INPP5F: variants seen among roughly 807,000 people sequenced by gnomAD.
The protein encoded by INPP5F is inositol polyphosphate-5-phosphatase F.
In INPP5F, 97 loss-of-function variants were observed where a neutral mutation model predicts 137.2. The observed-to-expected ratio is 0.71, with a 90% CI of 0.60 to 0.84. The LOEUF (loss-of-function observed/expected upper bound fraction) is 0.84, where lower values mean the gene tolerates loss of function less well. INPP5F is among the 40% of genes least tolerant of loss of function. The pLI is 0.00. For synonymous variants in INPP5F, 504 were observed against 476.9 expected (o/e 1.06, Z -0.74); for missense variants, 1,271 against 1,371.9 (o/e 0.93, Z 1.16).
intron 2 of INPP5F, among the ~76,000 whole-genome samples, chr10:119,758,277 A>T (rs1848909428): frequency 6.6e-6 from 1 of 152,152 alleles, no homozygotes; most frequent in African/African-American, 2.4e-5. Flanking sequence ...GTGCTCCTGG[A>T]TGGAAAGCAT....
At chr10:119,763,630 C>T (rs1407466496) in intron 2 of INPP5F, among the ~76,000 whole-genome samples, 1 of 152,222 alleles carries the variant, frequency 6.6e-6, no homozygotes, top group East Asian at 1.9e-4. Flanking sequence ...ACCCATATTA[C>T]TCTCCTTATC....
Position 119,805,371 on chromosome 10 carries a change from G to T in INPP5F, c.1242-13G>T. Reference sequence around the variant, plus strand: ...AATTAAAGATTTTTTCTTTCTTTTGGCATGGATTTTAGCCGAGGAATGAAG... The same window carrying T: ...AATTAAAGATTTTTTCTTTCTTTTGTCATGGATTTTAGCCGAGGAATGAAG... On this transcript the variant is annotated splice_polypyrimidine_tract_variant and intron_variant, in intron 10 of 19. Coordinates refer to ENST00000650623, the MANE Select transcript of INPP5F (RefSeq NM_014937.4). The T allele has an allele frequency of 6.2e-7, 1 of 1,601,162 alleles. No homozygotes were observed. The highest frequency in any genetic ancestry group is 1.1e-5 in the South Asian group (1 of 90,050).
intron 2 of INPP5F, among the ~76,000 whole-genome samples, chr10:119,771,903 T>A (rs1849376348): frequency 2.2e-5 from 2 of 89,258 alleles, no homozygotes; most frequent in African/African-American, 4.3e-5. Context: ...TTTTTTTTTT[T>A]TTTTTTTTTT....
intron 13 of INPP5F, among the ~76,000 whole-genome samples, chr10:119,808,389 A>ATG (rs1010127917): frequency 2.0e-5 from 3 of 152,338 alleles, no homozygotes; most frequent in Admixed American, 2.0e-4. Flanking sequence ...AAAACAGAGC[A>ATG]TGTCTGCTGG....
Position 119,827,208 on chromosome 10 carries a change from G to C in INPP5F, c.2827G>C (p.Ala943Pro). Reference sequence around the variant, plus strand: ...GTCTCCTTTGAAGAAAAGTCCTTCTGCTGGCGACGTACACATATTGACTGG... The same window carrying C: ...GTCTCCTTTGAAGAAAAGTCCTTCTCCTGGCGACGTACACATATTGACTGG... ...QESPLKKSPS[A>P]GDVHILTGFA... is the part of the protein sequence containing the mutation. The change falls in exon 20 of 20, where the codon GCT (alanine) becomes CCT (proline). Residue 943 changes from alanine (A) to proline (P), a missense_variant. Ala to Pro is a conservative substitution (Grantham distance 27). Around this residue, in one of 6 missense-constraint regions of INPP5F, gnomAD observed 490 missense variants for 443.7 expected, o/e 1.10. Coordinates refer to ENST00000650623, the MANE Select transcript of INPP5F (RefSeq NM_014937.4). 5 of 1,614,046 alleles carry C rather than the reference G, an allele frequency of 3.1e-6. No homozygotes were observed. Among genetic ancestry groups the C allele is most frequent in the Non-Finnish European group, 4.2e-6 (5 of 1,179,986 alleles).
At chr10:119,726,716 G>T (rs1185666538) in intron 1 of INPP5F, among the ~76,000 whole-genome samples, 1 of 152,216 alleles carries the variant, frequency 6.6e-6, no homozygotes, top group African/African-American at 2.4e-5. Flanking sequence ...TTCCTCCTTG[G>T]AGTAGTTCTT....
chr10:119,803,062 C>A (rs1377862307), intron 9 of INPP5F, among the ~76,000 whole-genome samples: 3 of 151,194 alleles, frequency 2.0e-5, no homozygotes, highest in Admixed American at 2.0e-4. Context: ...CATTTTTTTC[C>A]GTATTGGATT....
chr10:119,726,694 C>G (rs929019083), intron 1 of INPP5F, among the ~76,000 whole-genome samples: 1 of 152,208 alleles, frequency 6.6e-6, no homozygotes, highest in African/African-American at 2.4e-5. Flanking sequence ...TGCACCTGGC[C>G]GTAAAGGCCT....
intron 6 of INPP5F, among the ~76,000 whole-genome samples, chr10:119,793,781 G>A (rs1344641288): frequency 6.6e-6 from 1 of 152,124 alleles, no homozygotes; most frequent in Admixed American, 6.5e-5. Context: ...AAGTAGCTGG[G>A]ATTACAGCTT....
chr10:119,803,332 G>A (rs896049840), intron 9 of INPP5F, among the ~76,000 whole-genome samples: 11 of 152,094 alleles, frequency 7.2e-5, no homozygotes, highest in African/African-American at 2.7e-4. Context: ...GAGATGTAGG[G>A]AGCTAATGTA....
intron 13 of INPP5F, 78 bp downstream of exon 13, chr10:119,808,138 G>A: frequency 6.6e-7 from 1 of 1,504,702 alleles, no homozygotes. Flanking sequence ...ACAGAAATGT[G>A]TGTGGGTTCC....
chr10:119,736,303 G>A lies in INPP5F; in HGVS notation c.97+9944G>A, dbSNP rs1052081047. 9.2e-5 allele frequency among the ~76,000 whole-genome samples: 14 copies of A among 152,138 alleles called. 1 individual carries two copies. The highest frequency in any genetic ancestry group is 1.5e-5 in the Non-Finnish European group (1 of 68,018). On this transcript the variant is annotated intron_variant, in intron 1 of 19. Transcript: ENST00000650623. ...AGTTTGGAAAGTTGTAATTTAAGCT[G>A]TACTTTTTCATTCCCAAACCATGAC...
chr10:119,784,509 A>G (rs1849811793), intron 3 of INPP5F, among the ~76,000 whole-genome samples: 2 of 152,200 alleles, frequency 1.3e-5, no homozygotes, highest in South Asian at 4.1e-4. Flanking sequence ...ATCTGCATTT[A>G]TTCCAGCAGC....
chr10:119,766,451 T>C (rs1849167552), intron 2 of INPP5F, among the ~76,000 whole-genome samples: 1 of 152,164 alleles, frequency 6.6e-6, no homozygotes, highest in Admixed American at 6.5e-5. Context: ...ACAACAGCAG[T>C]ATTTGATGAG....
intron 2 of INPP5F, among the ~76,000 whole-genome samples, chr10:119,776,666 G>C (rs970148433): frequency 2.0e-5 from 3 of 151,712 alleles, no homozygotes; most frequent in African/African-American, 7.3e-5. Flanking sequence ...CTTCCTCTGT[G>C]TGTGTGTGTG....
chr10:119,741,430 C>T (rs1158860520), intron 1 of INPP5F, among the ~76,000 whole-genome samples: 1 of 152,174 alleles, frequency 6.6e-6, no homozygotes, highest in Non-Finnish European at 1.5e-5. Flanking sequence ...CAGTACCAAA[C>T]TATTTGGAGT....
At chr10:119,811,689 T>C in intron 14 of INPP5F, 68 bp from the exon 15 acceptor site, 1 of 1,272,392 alleles carries the variant, frequency 7.9e-7, no homozygotes, top group Non-Finnish European at 1.1e-6. Context: ...GGTCTTACAT[T>C]CTCTTTTGTT....
intron 7 of INPP5F, 80 bp from the exon 8 acceptor site, chr10:119,797,381 A>G: frequency 3.5e-6 from 4 of 1,127,344 alleles, no homozygotes; most frequent in Admixed American, 2.3e-5. Flanking sequence ...GAAGACATAC[A>G]TTTGATTAGG....
intron 2 of INPP5F, among the ~76,000 whole-genome samples, chr10:119,753,872 G>T (rs906006875): frequency 6.6e-6 from 1 of 152,070 alleles, no homozygotes; most frequent in African/African-American, 2.4e-5. Context: ...AGAACCCAAG[G>T]GACCAAAAAC....
Sources: allele counts gnomAD v4.1 joint callset (sites outside exome capture counted in the v4.1 genomes callset), GRCh38; gene constraint gnomAD v4.1.1; regional missense constraint gnomAD v4.1.1; transcripts MANE v1.5; gene names NCBI Gene and HGNC (gene_info 2026-07-23, HGNC 2026-07-21).